The following RBFOX1 variants were observed in gnomAD, a reference collection of about 807,000 sequenced individuals.
RBFOX1 encodes the protein RNA binding protein fox-1 homolog 1.
Under a neutral mutation model 57.7 loss-of-function variants are expected in RBFOX1, and 8 were observed. That is an observed-to-expected ratio of 0.14 (90% CI 0.08 to 0.25). The LOEUF (loss-of-function observed/expected upper bound fraction) is 0.25, where lower values mean the gene tolerates loss of function less well. RBFOX1 is among the 10% of genes least tolerant of loss of function. RBFOX1 has a pLI of 1.00. For synonymous variants in RBFOX1, 326 were observed against 222.4 expected (o/e 1.47, Z -4.15); for missense variants, 611 against 548.5 (o/e 1.11, Z -1.14).
intron 2 of RBFOX1, among the ~76,000 whole-genome samples, chr16:6,637,900 A>G (rs888471111): frequency 6.6e-6 from 1 of 152,150 alleles, no homozygotes; most frequent in Non-Finnish European, 1.5e-5. Flanking sequence ...ATTACATTTT[A>G]CAGGGATTTT....
chr16:5,404,680 C>T (rs1002219441), intron 1 of RBFOX1, among the ~76,000 whole-genome samples: 2 of 152,186 alleles, frequency 1.3e-5, no homozygotes, highest in Admixed American at 1.3e-4. Context: ...GTTGTGCATA[C>T]CTGGGGGATA....
Position 7,411,593 on chromosome 16 carries a change from G to A in RBFOX1, c.28-106554G>A, listed in dbSNP as rs549982305. ...GGGACATCGTGCAAAATATCTGACT[G>A]TCAAGGTGATCAAAGACGGGGAATG... On this transcript the variant is annotated intron_variant, in intron 4 of 15. Transcript: ENST00000550418. Among the ~76,000 whole-genome samples the A allele has an allele frequency of 4.6e-4, 70 of 152,260 alleles. No homozygotes were observed. The South Asian group carries it at 0.014, about 31-fold the overall frequency.
intron 3 of RBFOX1, among the ~76,000 whole-genome samples, chr16:6,916,446 C>A (rs570935193): frequency 6.6e-6 from 1 of 151,256 alleles, no homozygotes; most frequent in Non-Finnish European, 1.5e-5. Context: ...GTAATGTGGT[C>A]TAATACACCT....
intron 1 of RBFOX1, among the ~76,000 whole-genome samples, chr16:5,285,768 T>G (rs1014181440): frequency 2.6e-5 from 4 of 152,044 alleles, no homozygotes; most frequent in African/African-American, 4.8e-5. Context: ...AGACTGCAGT[T>G]TTTTTTTGTT....
intron 4 of RBFOX1, among the ~76,000 whole-genome samples, chr16:7,414,581 A>C (rs557946497): frequency 6.6e-6 from 1 of 152,262 alleles, no homozygotes; most frequent in South Asian, 2.1e-4. Flanking sequence ...CCATATCCCA[A>C]ACACAATGTT....
intron 2 of RBFOX1, among the ~76,000 whole-genome samples, chr16:5,548,496 C>T (rs560449916): frequency 5.3e-5 from 8 of 151,898 alleles, no homozygotes; most frequent in East Asian, 1.9e-4. Context: ...TTAAGTATAA[C>T]GTAAAAGTGT....
chr16:6,827,846 T>C (rs7191679), intron 3 of RBFOX1, among the ~76,000 whole-genome samples: 77,957 of 152,072 alleles, frequency 0.51, 21,256 homozygotes, highest in East Asian at 0.77. Flanking sequence ...CTCAGGTCCT[T>C]CTGTTCCCCC....
chr16:7,358,966 A>G (rs1185475082), intron 4 of RBFOX1, among the ~76,000 whole-genome samples: 2 of 152,196 alleles, frequency 1.3e-5, no homozygotes, highest in Non-Finnish European at 2.9e-5. Flanking sequence ...CTTTTAATAG[A>G]CAATTAGATT....
chr16:7,197,998 CTTTTTTTTTTTTTTTT>C (rs945404947), intron 4 of RBFOX1, among the ~76,000 whole-genome samples: 1 of 55,592 alleles, frequency 1.8e-5, no homozygotes, highest in Non-Finnish European at 3.2e-5. Context: ...TTCTTTCTTT[CTTTTTTTTTTTTTTTT>C]TTTTTTTTTG....
At position 7,635,949 on chromosome 16, in the gene RBFOX1, T is replaced by C. The variant is rs558814284; in HGVS notation, c.757+5266T>C. 2.6e-5 allele frequency among the ~76,000 whole-genome samples: 4 copies of C among 152,334 alleles called. No homozygotes were observed. In the East Asian group the frequency reaches 5.8e-4, roughly 22 times the overall value. ...TCTCAGCCTCCCAAGTAGCTGGGAC[T>C]ACAGGCGCCCGCCACCATGCCCGGC... is the stretch of plus-strand genomic sequence containing the variant. On this transcript the variant is annotated intron_variant, in intron 11 of 15. Transcript: ENST00000550418.
At chr16:5,567,716 A>G (rs548619819) in intron 2 of RBFOX1, among the ~76,000 whole-genome samples, 1 of 151,258 alleles carries the variant, frequency 6.6e-6, no homozygotes, top group South Asian at 2.1e-4. Flanking sequence ...CATTGCTGAC[A>G]TCATCCTCAC....
chr16:6,759,464 G>A (rs1015775534), intron 3 of RBFOX1, among the ~76,000 whole-genome samples: 1 of 145,692 alleles, frequency 6.9e-6, no homozygotes, highest in African/African-American at 2.6e-5. Context: ...TTCTTGATAT[G>A]TCAGTTGTCT....
chr16:7,162,940 C>T (rs1185526859), intron 4 of RBFOX1, among the ~76,000 whole-genome samples: 2 of 152,146 alleles, frequency 1.3e-5, no homozygotes, highest in African/African-American at 4.8e-5. Flanking sequence ...CCCGTTTTGG[C>T]CATCACCTGA....
At chr16:7,130,848 A>G (rs1004232386) in intron 4 of RBFOX1, among the ~76,000 whole-genome samples, 27 of 152,142 alleles carry the variant, frequency 1.8e-4, no homozygotes, top group Admixed American at 6.5e-5. Context: ...TTCATAATCT[A>G]TCAGGCAATC....
chr16:6,305,718 C>G (rs1163142418), intron 1 of RBFOX1, among the ~76,000 whole-genome samples: 1 of 151,028 alleles, frequency 6.6e-6, no homozygotes, highest in African/African-American at 2.4e-5. Context: ...CTTTTTATTT[C>G]CACCTCGTGC....
intron 3 of RBFOX1, among the ~76,000 whole-genome samples, chr16:5,822,981 G>GAA: frequency 6.6e-6 from 1 of 152,292 alleles, no homozygotes; most frequent in South Asian, 2.1e-4. Context: ...GAGGTCTTAG[G>GAA]GCACCAAGCT....
At chr16:6,139,625 G>A (rs2096698147) in intron 1 of RBFOX1, among the ~76,000 whole-genome samples, 1 of 152,210 alleles carries the variant, frequency 6.6e-6, no homozygotes, top group African/African-American at 2.4e-5. Flanking sequence ...CAGCACCCAT[G>A]TAACTGCTTT....
chr16:6,884,576 C>A (rs983472907), intron 3 of RBFOX1, among the ~76,000 whole-genome samples: 6 of 152,026 alleles, frequency 3.9e-5, no homozygotes, highest in South Asian at 2.1e-4. Context: ...TGTTTTATTA[C>A]CCCCATTTTG....
intron 4 of RBFOX1, among the ~76,000 whole-genome samples, chr16:7,058,787 T>C (rs1311786592): frequency 6.6e-6 from 1 of 152,212 alleles, no homozygotes; most frequent in East Asian, 1.9e-4. Flanking sequence ...ATACAAAGTT[T>C]CCTTGGCACA....
Sources: allele counts gnomAD v4.1 joint callset (sites outside exome capture counted in the v4.1 genomes callset), GRCh38; gene constraint gnomAD v4.1.1; transcripts MANE v1.5; gene names NCBI Gene and HGNC (gene_info 2026-07-23, HGNC 2026-07-21).